The following OPCML variants were observed in gnomAD, a reference collection of about 807,000 sequenced individuals.
The protein encoded by OPCML is opioid-binding protein/cell adhesion molecule.
OPCML carries 13 observed loss-of-function variants against 37.8 expected under a neutral mutation model. The ratio of observed to expected loss-of-function variants is 0.34; its 90% CI spans 0.22 to 0.55. The LOEUF (loss-of-function observed/expected upper bound fraction) is 0.55. OPCML is among the 20% of genes least tolerant of loss of function. OPCML has a pLI of 0.91. For missense variants in OPCML, 341 were observed against 435.6 expected (o/e 0.78, Z 1.93); for synonymous variants, 176 against 168.8 (o/e 1.04, Z -0.33).
At chr11:133,303,465 G>A (rs1942832349) in intron 1 of OPCML, among the ~76,000 whole-genome samples, 1 of 152,206 alleles carries the variant, frequency 6.6e-6, no homozygotes, top group Non-Finnish European at 1.5e-5. Context: ...TAATTGCTGA[G>A]TCTGCTATTC....
At chr11:132,926,293 G>A (rs1021365392) in intron 2 of OPCML, among the ~76,000 whole-genome samples, 2 of 152,080 alleles carry the variant, frequency 1.3e-5, no homozygotes, top group Non-Finnish European at 2.9e-5. Context: ...CTGTGATGAC[G>A]ACCTCAGAGT....
At chr11:132,669,266 C>T (rs150797709) in intron 2 of OPCML, among the ~76,000 whole-genome samples, 65 of 151,940 alleles carry the variant, frequency 4.3e-4, no homozygotes, top group African/African-American at 1.5e-3. Context: ...CAGATGCCAA[C>T]CATGTGTCAG....
chr11:132,690,581 T>C (rs1943358955), intron 2 of OPCML, among the ~76,000 whole-genome samples: 1 of 152,192 alleles, frequency 6.6e-6, no homozygotes, highest in African/African-American at 2.4e-5. Flanking sequence ...AATGGAATGG[T>C]TAACGTACCA....
At chr11:133,097,068 A>T (rs992377135) in intron 1 of OPCML, among the ~76,000 whole-genome samples, 2 of 152,286 alleles carry the variant, frequency 1.3e-5, no homozygotes, top group Middle Eastern at 6.8e-3. Flanking sequence ...AAATCTATAG[A>T]CTACTTTATC....
At chr11:132,772,704 G>A (rs1946679452) in intron 2 of OPCML, 1 of 152,170 alleles carries the variant, frequency 6.6e-6, no homozygotes, top group Admixed American at 6.6e-5. Flanking sequence ...ACATAGTGAG[G>A]TTGTCAATGA....
chr11:133,301,828 A>G (rs1942787276), intron 1 of OPCML: 1 of 152,222 alleles, frequency 6.6e-6, no homozygotes, highest in East Asian at 1.9e-4. Context: ...GAGGCATTAA[A>G]AAAAGTTAAC....
intron 2 of OPCML, among the ~76,000 whole-genome samples, chr11:132,925,974 A>C (rs1323152455): frequency 2.6e-5 from 4 of 152,122 alleles, no homozygotes; most frequent in African/African-American, 9.7e-5. Context: ...CACATTTGCC[A>C]TGAACCCTAT....
chr11:132,505,398 G>T (rs2096254533), intron 4 of OPCML, among the ~76,000 whole-genome samples: 1 of 152,200 alleles, frequency 6.6e-6, no homozygotes, highest in Non-Finnish European at 1.5e-5. Context: ...TATGCTATGT[G>T]CACCATATCA....
rs1943055606 is a variant in OPCML, at chr11:132,683,849, C to A, written c.147-26530G>T. Among the ~76,000 whole-genome samples the A allele has an allele frequency of 2.6e-5, 4 of 151,984 alleles. No individual in the cohort carries two copies. The South Asian group carries it at 8.3e-4, about 32-fold the overall frequency. On this transcript the variant is annotated intron_variant, in intron 2 of 7. Transcript: ENST00000524381. ...GAAAGTGGCTCTGAGTGAGTTTTGC[C>A]CTCTGTGAAATGATGGGATTGCATT...
At chr11:133,522,488 T>A (rs1948414292) in intron 1 of OPCML, among the ~76,000 whole-genome samples, 1 of 152,218 alleles carries the variant, frequency 6.6e-6, no homozygotes, top group Non-Finnish European at 1.5e-5. Context: ...TCTGTTTGTT[T>A]GTTTTTGACC....
chr11:133,220,583 A>C (rs1939773891), intron 1 of OPCML, among the ~76,000 whole-genome samples: 1 of 152,188 alleles, frequency 6.6e-6, no homozygotes, highest in Non-Finnish European at 1.5e-5. Context: ...TGCTTCCTCA[A>C]GGAACGCAGG....
At position 132,576,455 on chromosome 11, in the gene OPCML, A is replaced by C. The variant is rs184535164; in HGVS notation, c.380-47269T>G. 2.2e-4 allele frequency among the ~76,000 whole-genome samples: 32 copies of C among 147,466 alleles called. 1 individual carries two copies. The East Asian group carries it at 6.5e-3, about 30-fold the overall frequency. ...GTGAATTTTTCAATTTGATGTTTGCACTCTTTAGCTTCCTAATTTTTGTTG... is the reference window on the plus strand; with the variant it reads ...GTGAATTTTTCAATTTGATGTTTGCCCTCTTTAGCTTCCTAATTTTTGTTG... On this transcript the variant is annotated intron_variant, in intron 3 of 7. Coordinates refer to ENST00000524381, the MANE Select transcript of OPCML (RefSeq NM_001012393.5).
intron 1 of OPCML, among the ~76,000 whole-genome samples, chr11:133,202,426 C>T (rs979047621): frequency 6.6e-6 from 1 of 152,200 alleles, no homozygotes. Flanking sequence ...CCACAAATAA[C>T]AATCATTGAT....
chr11:133,270,423 C>T (rs944604962), intron 1 of OPCML, among the ~76,000 whole-genome samples: 3 of 152,082 alleles, frequency 2.0e-5, no homozygotes, highest in African/African-American at 4.8e-5. Flanking sequence ...GACAAATGAT[C>T]CCTCTGGTCT....
intron 2 of OPCML, among the ~76,000 whole-genome samples, chr11:132,863,414 A>T (rs1286171327): frequency 6.6e-6 from 1 of 152,178 alleles, no homozygotes; most frequent in African/African-American, 2.4e-5. Flanking sequence ...TTCTTAGTGA[A>T]GTGATTTTGA....
Position 133,441,775 on chromosome 11 carries a change from G to A in OPCML, c.61+90489C>T, listed in dbSNP as rs190458650. 2.8e-4 allele frequency among the ~76,000 whole-genome samples: 42 copies of A among 152,162 alleles called. 2 individuals carry two copies. The East Asian group carries it at 8.1e-3, about 29-fold the overall frequency. On this transcript the variant is annotated intron_variant, in intron 1 of 7. Transcript: ENST00000524381. ...ATATGCAACATTAAAAAACACGCAAGTATCTTTGAAAGATATTTTCAACAT... is the reference window on the plus strand; with the variant it reads ...ATATGCAACATTAAAAAACACGCAAATATCTTTGAAAGATATTTTCAACAT...
intron 3 of OPCML, among the ~76,000 whole-genome samples, chr11:132,602,261 C>T (rs1249220762): frequency 1.3e-5 from 2 of 152,074 alleles, no homozygotes; most frequent in Non-Finnish European, 1.5e-5. Flanking sequence ...AATGTAGCTC[C>T]AGCAAAAAGG....
At chr11:133,411,967 G>C (rs1945661307) in intron 1 of OPCML, among the ~76,000 whole-genome samples, 1 of 152,138 alleles carries the variant, frequency 6.6e-6, no homozygotes, top group Non-Finnish European at 1.5e-5. Context: ...TGAATGTCAT[G>C]GAGGCAGCTA....
At chr11:133,084,563 C>T (rs968065923) in intron 1 of OPCML, among the ~76,000 whole-genome samples, 2 of 152,130 alleles carry the variant, frequency 1.3e-5, no homozygotes, top group Admixed American at 1.3e-4. Flanking sequence ...GAAGGATATT[C>T]GGCTTGGCTT....
Sources: allele counts gnomAD v4.1 joint callset (sites outside exome capture counted in the v4.1 genomes callset), GRCh38; gene constraint gnomAD v4.1.1; transcripts MANE v1.5; gene names NCBI Gene and HGNC (gene_info 2026-07-23, HGNC 2026-07-21).